TPH1: variants seen among roughly 807,000 people sequenced by gnomAD.
TPH1 encodes the protein tryptophan 5-hydroxylase 1.
A neutral mutation model predicts 49.5 loss-of-function variants in TPH1; 37 were observed. The observed-to-expected ratio is 0.75, with a 90% CI of 0.58 to 0.98. The LOEUF is 0.98. TPH1 is among the 50% of genes least tolerant of loss of function. The probability of loss-of-function intolerance (pLI) is 0.00; values close to 1 mark genes in which losing one functional copy is unlikely to be tolerated. For missense variants in TPH1, 487 were observed against 523.6 expected (o/e 0.93, Z 0.68); for synonymous variants, 160 against 182.1 (o/e 0.88, Z 0.98).
chr11:18,039,427 AG>A (rs1020836991), intron 2 of TPH1, among the ~76,000 whole-genome samples: 2 of 152,206 alleles, frequency 1.3e-5, no homozygotes, highest in African/African-American at 4.8e-5. Flanking sequence ...ATATGAATCC[AG>A]GTGGCCTGTC....
intron 9 of TPH1, among the ~76,000 whole-genome samples, 188 bp downstream of exon 9, chr11:18,023,700 C>A (rs1243344734): frequency 6.6e-6 from 1 of 151,974 alleles, no homozygotes; most frequent in African/African-American, 2.4e-5. Flanking sequence ...TACATATACA[C>A]ACACACATAT....
intron 6 of TPH1, among the ~76,000 whole-genome samples, chr11:18,027,512 T>G (rs1378677499): frequency 6.6e-6 from 1 of 152,254 alleles, no homozygotes; most frequent in Non-Finnish European, 1.5e-5. Context: ...AACAACCAAA[T>G]GTTTCTAGTG....
Position 18,029,561 on chromosome 11 carries a change from A to G in TPH1, c.421T>C (p.Tyr141His). ...ADHPGFKDNV[Y>H]RKRRKYFADL... ...GCAAAATACTTTCGACGTTTACGGT[A>G]GACATTGTCTTTGAAGCCCTGATAA... The change falls in exon 5 of 11, where the codon TAC becomes CAC. Residue 141 changes from tyrosine (Y) to histidine (H), a missense_variant. Tyr to His is a moderately conservative substitution (Grantham distance 83, BLOSUM62 2). Coordinates refer to ENST00000682019, the MANE Select transcript of TPH1 (RefSeq NM_004179.3). The G allele has an allele frequency of 6.2e-7, 1 of 1,613,120 alleles. No homozygotes were observed. Among genetic ancestry groups the G allele is most frequent in the East Asian group, 2.2e-5 (1 of 44,838 alleles).
chr11:18,020,812 T>A lies in TPH1; in HGVS notation c.*179A>T. ...AAATAAAACTAAACAAAAAAATAAG[T>A]GGTAAATAGAATATCCAGGTACAAA... On this transcript the variant is annotated 3_prime_UTR_variant, in exon 11 of 11. Transcript: ENST00000682019. 3.3e-6 allele frequency: 2 copies of A among 609,422 alleles called. No homozygotes were observed. Among genetic ancestry groups the A allele is most frequent in the African/African-American group, 1.9e-5 (1 of 54,046 alleles). The allele number at this position is 609,422 out of a possible 1,614,324, so 37.8% of individuals were successfully genotyped here. A position where few individuals can be genotyped will look rare whatever the true frequency, so the allele number is the denominator to read the frequency against.
chr11:18,038,603 C>G (rs1249484429), intron 2 of TPH1, among the ~76,000 whole-genome samples: 1 of 152,064 alleles, frequency 6.6e-6, no homozygotes, highest in African/African-American at 2.4e-5. Context: ...CACAAATCAA[C>G]GATGATAGTG....
chr11:18,023,890 T>C lies in TPH1; in HGVS notation c.1024A>G (p.Lys342Glu), dbSNP rs1008170671. The C allele has an allele frequency of 6.2e-7, 1 of 1,611,358 alleles. No homozygotes were observed. The highest frequency in any genetic ancestry group is 8.5e-7 in the Non-Finnish European group (1 of 1,177,956). Residue 342 changes from lysine to glutamate, a missense_variant and splice_region_variant, in exon 9 of 11, where the codon AAA becomes GAA. Transcript: ENST00000682019. ...AGLLSSISEL[K>E]HALSGHAKVK... ...ATACAAAGATTTGCAACTCTTACTT[T>C]GAGTTCACTGATAGAAGAAAGTAAG...
At chr11:18,045,551 T>C (rs954191296) in intron 1 of TPH1, among the ~76,000 whole-genome samples, 1 of 151,658 alleles carries the variant, frequency 6.6e-6, no homozygotes, top group African/African-American at 2.4e-5. Context: ...TTTTTCCTGC[T>C]AAGTCAAGTA....
chr11:18,037,084 C>G (rs986059855), intron 2 of TPH1, among the ~76,000 whole-genome samples: 2 of 152,006 alleles, frequency 1.3e-5, no homozygotes, highest in Admixed American at 1.3e-4. Context: ...ATAGGCCAGG[C>G]GTGGTGGCTC....
At chr11:18,044,660 A>G (rs1024497688) in intron 1 of TPH1, among the ~76,000 whole-genome samples, 1 of 151,922 alleles carries the variant, frequency 6.6e-6, no homozygotes, top group Non-Finnish European at 1.5e-5. Context: ...TCCTCCAGTT[A>G]ACCCCAAACC....
chr11:18,024,071 C>G, intron 8 of TPH1, 88 bp from the exon 9 acceptor site: 2 of 1,024,630 alleles, frequency 2.0e-6, no homozygotes, highest in Admixed American at 3.6e-5. Flanking sequence ...CCAAAATACC[C>G]TAGAATAAAG....
Position 18,019,945 on chromosome 11 carries a change from C to A in TPH1, c.*1046G>T. The A allele has an allele frequency of 2.8e-6, 1 of 354,268 alleles. No individual in the cohort carries two copies. Among genetic ancestry groups the A allele is most frequent in the Non-Finnish European group, 5.5e-6 (1 of 180,626 alleles). The allele number at this position is 354,268 out of a possible 1,614,324, so 21.9% of individuals were successfully genotyped here. On this transcript the variant is annotated 3_prime_UTR_variant, in exon 11 of 11. Transcript: ENST00000682019. ...CTGACATTCTATTTCCTCCCCTTTT[C>A]TGCAGCCTCTACTCTCATTGCATAC...
chr11:18,026,297 A>G (rs1271820752), intron 7 of TPH1, among the ~76,000 whole-genome samples, 193 bp downstream of exon 7: 1 of 151,548 alleles, frequency 6.6e-6, no homozygotes, highest in Non-Finnish European at 1.5e-5. Context: ...ATTAATAATC[A>G]TAATGGCTAA....
Position 18,035,996 on chromosome 11 carries a change from A to T in TPH1, c.264T>A (p.Ser88=). 6.2e-7 allele frequency: 1 copy of T among 1,612,466 alleles called. No homozygotes were observed. The highest frequency in any genetic ancestry group is 8.5e-7 in the Non-Finnish European group (1 of 1,179,904). Residue 88 remains serine, a synonymous_variant, in exon 3 of 11, where the codon TCT becomes TCA. Transcript: ENST00000682019. ...AAGTAAAATTATCTGGTAGATTCAC[A>T]GAGAGAACATTGGTATGAGACTTCA... ...HLLKSHTNVL[S]VNLPDNFTLK...
intron 2 of TPH1, among the ~76,000 whole-genome samples, chr11:18,036,734 T>G (rs1188887762): frequency 1.3e-5 from 2 of 151,926 alleles, no homozygotes; most frequent in East Asian, 3.9e-4. Flanking sequence ...TGAGGAAGAG[T>G]GCTGGGGACA....
chr11:18,033,326 T>C lies in TPH1; in HGVS notation c.350A>G (p.His117Arg). ...WFPKKISDLD[H>R]CANRVLMYGS... ...ATACATCAGAACTCTGTTGGCACAA[T>C]GGTCCAGGTCAGAAATCTTCTTTGG... The change falls in exon 4 of 11, where the codon CAT becomes CGT. Residue 117 changes from histidine (H) to arginine (R), a missense_variant. Coordinates refer to ENST00000682019, the MANE Select transcript of TPH1 (RefSeq NM_004179.3). 1 of 1,614,076 alleles carries C rather than the reference T, an allele frequency of 6.2e-7. No individual in the cohort carries two copies. Among genetic ancestry groups the C allele is most frequent in the Non-Finnish European group, 8.5e-7 (1 of 1,179,982 alleles).
intron 2 of TPH1, among the ~76,000 whole-genome samples, chr11:18,040,096 T>A (rs480425): frequency 0.36 from 53,904 of 149,158 alleles, 10,250 homozygotes; most frequent in East Asian, 0.51. Flanking sequence ...TATATGATTA[T>A]ATATTGATAA....
At chr11:18,035,185 A>G (rs1848031873) in intron 3 of TPH1, among the ~76,000 whole-genome samples, 1 of 152,236 alleles carries the variant, frequency 6.6e-6, no homozygotes, top group Non-Finnish European at 1.5e-5. Flanking sequence ...AGCAACTGTC[A>G]ACATTCTCAA....
chr11:18,019,299 T>C lies in TPH1; in HGVS notation c.*1692A>G, dbSNP rs1297312650. 3.1e-5 allele frequency: 5 copies of C among 163,322 alleles called. No homozygotes were observed. The highest frequency in any genetic ancestry group is 1.2e-4 in the African/African-American group (5 of 41,552). 10.1% of individuals were successfully genotyped at this position (163,322 alleles called of 1,614,324 possible). Reference sequence around the variant, plus strand: ...TTTATTTATGTGAAGAAAAAGCCTATTTTTAAGTAGCTGACTAAACCTAAA... The same window carrying C: ...TTTATTTATGTGAAGAAAAAGCCTACTTTTAAGTAGCTGACTAAACCTAAA... On this transcript the variant is annotated 3_prime_UTR_variant, in exon 11 of 11. Transcript: ENST00000682019.
chr11:18,044,366 G>A (rs1000402244), intron 1 of TPH1, among the ~76,000 whole-genome samples: 1 of 152,018 alleles, frequency 6.6e-6, no homozygotes, highest in South Asian at 2.1e-4. Context: ...AGGTTGCAGT[G>A]AGCCAGGATC....
Sources: gnomAD v4.1 joint callset for allele counts (sites outside exome capture counted in the v4.1 genomes callset) on GRCh38, gnomAD v4.1.1 for gene constraint, MANE v1.5 for transcripts, NCBI Gene and HGNC (gene_info 2026-07-23, HGNC 2026-07-21) for gene names.